The following HDAC9 variants were observed in gnomAD, a reference collection of about 807,000 sequenced individuals.
HDAC9 encodes histone deacetylase 9, also known as MEF-2 interacting transcription repressor (MITR) protein.
A neutral mutation model predicts 139.4 loss-of-function variants in HDAC9; 41 were observed. The observed-to-expected ratio is 0.29, with a 90% CI of 0.23 to 0.38. The LOEUF is 0.38. Among genes scored for constraint, HDAC9 ranks in the 10% least tolerant of loss-of-function variants. HDAC9 has a pLI of 1.00. For synonymous variants in HDAC9, 517 were observed against 476.2 expected (o/e 1.09, Z -1.12); for missense variants, 1,147 against 1,297.0 (o/e 0.88, Z 1.78).
At chr7:18,915,831 T>C (rs958358796) in intron 22 of HDAC9, among the ~76,000 whole-genome samples, 4 of 151,896 alleles carry the variant, frequency 2.6e-5, no homozygotes, top group Non-Finnish European at 5.9e-5. Flanking sequence ...TATGGTTTTT[T>C]TGTTAACTTT....
intron 11 of HDAC9, among the ~76,000 whole-genome samples, chr7:18,656,080 C>G (rs1208282972): frequency 6.8e-6 from 1 of 147,858 alleles, no homozygotes; most frequent in Non-Finnish European, 1.5e-5. Context: ...TGGTAGCTTG[C>G]AAGTTCCTGG....
intron 13 of HDAC9, among the ~76,000 whole-genome samples, chr7:18,736,849 G>A (rs1242731796): frequency 6.6e-6 from 1 of 152,154 alleles, no homozygotes; most frequent in Non-Finnish European, 1.5e-5. Context: ...ATTCGGGTGT[G>A]AATCCATCTG....
At chr7:18,588,674 A>C (rs1029730927) in intron 3 of HDAC9, among the ~76,000 whole-genome samples, 16 of 152,208 alleles carry the variant, frequency 1.1e-4, no homozygotes, top group African/African-American at 3.4e-4. Flanking sequence ...TGTCTTGCCC[A>C]CACACACACC....
chr7:18,660,523 G>A (rs1239037444), intron 11 of HDAC9, among the ~76,000 whole-genome samples: 4 of 152,190 alleles, frequency 2.6e-5, no homozygotes, highest in African/African-American at 9.6e-5. Flanking sequence ...AATGTATCAG[G>A]TACTAGGATA....
intron 1 of HDAC9, among the ~76,000 whole-genome samples, chr7:18,357,571 A>G (rs933199812): frequency 1.3e-5 from 2 of 152,184 alleles, no homozygotes; most frequent in Admixed American, 1.3e-4. Context: ...AAATAACAAT[A>G]CATAATTACA....
intron 1 of HDAC9, among the ~76,000 whole-genome samples, chr7:18,131,372 T>C (rs561813309): frequency 1.3e-5 from 2 of 152,276 alleles, no homozygotes; most frequent in African/African-American, 4.8e-5. Context: ...ATATCTGCAG[T>C]CTGCTGAAAA....
In HDAC9 at chr7:18,845,553, G is replaced by A. The variant is rs1796850021; in HGVS notation, c.2684+9556G>A. On this transcript the variant is annotated intron_variant, in intron 21 of 25. Transcript: ENST00000686413. Reference sequence around the variant, plus strand: ...CTGGTGCTTTATGTATTGTTTAATTGTTTGCTTTGGTGGATGTTTTTATTA... The same window carrying A: ...CTGGTGCTTTATGTATTGTTTAATTATTTGCTTTGGTGGATGTTTTTATTA... Among the ~76,000 whole-genome samples, 6 of 152,190 alleles carry A rather than the reference G, an allele frequency of 3.9e-5. No individual in the cohort carries two copies. In the South Asian group the frequency reaches 1.2e-3, roughly 32 times the overall value.
chr7:18,119,977 A>G (rs1358321023), intron 1 of HDAC9, among the ~76,000 whole-genome samples: 2 of 152,192 alleles, frequency 1.3e-5, no homozygotes, highest in African/African-American at 4.8e-5. Flanking sequence ...CCACCAAAGA[A>G]TGTTTTTGGG....
chr7:18,935,658 C>T (rs955199072), intron 22 of HDAC9, 151 bp from the exon 23 acceptor site: 7 of 683,558 alleles, frequency 1.0e-5, no homozygotes, highest in Non-Finnish European at 1.7e-5. Context: ...ATAATAGGAC[C>T]TAATCCATAA....
intron 1 of HDAC9, among the ~76,000 whole-genome samples, chr7:18,121,416 A>T (rs1784358573): frequency 6.6e-6 from 1 of 152,110 alleles, no homozygotes; most frequent in African/African-American, 2.4e-5. Context: ...GATAATCAGC[A>T]CACAGAGCAA....
intron 21 of HDAC9, among the ~76,000 whole-genome samples, chr7:18,866,591 A>G (rs1798517050): frequency 6.6e-6 from 1 of 152,158 alleles, no homozygotes; most frequent in Non-Finnish European, 1.5e-5. Context: ...GCATTTTTGA[A>G]TCCCAGCACC....
At chr7:18,163,696 TA>T (rs1787816631) in intron 2 of HDAC9, among the ~76,000 whole-genome samples, 1 of 152,218 alleles carries the variant, frequency 6.6e-6, no homozygotes, top group South Asian at 2.1e-4. Flanking sequence ...CTAGTACTAT[TA>T]TTCTTTCTGT....
At chr7:18,458,369 A>C (rs565308945) in intron 1 of HDAC9, among the ~76,000 whole-genome samples, 10 of 152,310 alleles carry the variant, frequency 6.6e-5, no homozygotes, top group African/African-American at 2.4e-4. Flanking sequence ...GAAAATGGTT[A>C]CTAGGAAACC....
chr7:18,521,484 A>T (rs1291046875), intron 2 of HDAC9, among the ~76,000 whole-genome samples: 2 of 152,162 alleles, frequency 1.3e-5, no homozygotes, highest in African/African-American at 4.8e-5. Context: ...CATCTATTTG[A>T]TTTGCACACC....
intron 2 of HDAC9, among the ~76,000 whole-genome samples, chr7:18,525,937 G>A (rs1806734808): frequency 6.6e-6 from 1 of 152,202 alleles, no homozygotes; most frequent in South Asian, 2.1e-4. Context: ...CTCTGCAGCA[G>A]TCCACATTCT....
intron 13 of HDAC9, among the ~76,000 whole-genome samples, chr7:18,738,016 G>A (rs1278186661): frequency 3.9e-5 from 6 of 152,094 alleles, no homozygotes; most frequent in Admixed American, 2.0e-4. Flanking sequence ...TTATGTAATG[G>A]TGTTCTTTGT....
intron 12 of HDAC9, among the ~76,000 whole-genome samples, chr7:18,707,006 T>C (rs1469831881): frequency 6.7e-6 from 1 of 149,464 alleles, no homozygotes; most frequent in African/African-American, 2.5e-5. Flanking sequence ...AGCAGAGGAG[T>C]GAACAATGAG....
Position 18,975,805 on chromosome 7 carries a change from G to A in HDAC9, c.3023-1G>A, listed in dbSNP as rs1318024673. 1 of 1,613,252 alleles carries A rather than the reference G, an allele frequency of 6.2e-7. No homozygotes were observed. The highest frequency in any genetic ancestry group is 8.5e-7 in the Non-Finnish European group (1 of 1,179,570). ...TGAAGTATGATGGATGTTTTTCCTA[G>A]GCAAGTATTGGAAGTCAGTAAGGAT... On this transcript the variant is annotated splice_acceptor_variant, in intron 24 of 25. Transcript: ENST00000686413. LOFTEE classifies it high-confidence loss of function.
chr7:18,900,121 T>C (rs1036602291), intron 22 of HDAC9, among the ~76,000 whole-genome samples: 1 of 152,134 alleles, frequency 6.6e-6, no homozygotes, highest in Non-Finnish European at 1.5e-5. Context: ...AAAAGATGTA[T>C]GAATACATAC....
Sources: allele counts gnomAD v4.1 joint callset (sites outside exome capture counted in the v4.1 genomes callset), GRCh38; gene constraint gnomAD v4.1.1; transcripts MANE v1.5; gene names NCBI Gene and HGNC (gene_info 2026-07-23, HGNC 2026-07-21).